CA10: variants seen among roughly 807,000 people sequenced by gnomAD.
CA10 encodes carbonic anhydrase-related protein 10.
A neutral mutation model predicts 44.2 loss-of-function variants in CA10; 14 were observed. The ratio of observed to expected loss-of-function variants is 0.32; its 90% CI spans 0.21 to 0.50. The LOEUF is 0.50. Ranked by LOEUF, CA10 falls within the 20% of genes least tolerant of loss-of-function variation. The probability of loss-of-function intolerance (pLI) is 0.99; values close to 1 mark genes in which losing one functional copy is unlikely to be tolerated. For missense variants in CA10, 350 were observed against 409.7 expected (o/e 0.85, Z 1.26); for synonymous variants, 159 against 141.6 (o/e 1.12, Z -0.87).
chr17:52,018,761 G>A (rs1026269279), intron 2 of CA10, among the ~76,000 whole-genome samples: 2 of 152,010 alleles, frequency 1.3e-5, no homozygotes, highest in African/African-American at 4.8e-5. Flanking sequence ...CATGAAATTT[G>A]GAGGACCAGG....
At chr17:51,796,201 T>A (rs559860086) in intron 3 of CA10, among the ~76,000 whole-genome samples, 2 of 151,762 alleles carry the variant, frequency 1.3e-5, no homozygotes, top group Non-Finnish European at 2.9e-5. Flanking sequence ...TTGTACAGAG[T>A]CTGTGTTCCA....
intron 1 of CA10, among the ~76,000 whole-genome samples, chr17:52,131,704 T>C (rs1442370338): frequency 1.3e-5 from 2 of 152,208 alleles, no homozygotes; most frequent in Admixed American, 6.5e-5. Context: ...TTCATTCTTT[T>C]AACTTAAATC....
chr17:52,144,176 G>A (rs920801119), intron 1 of CA10, among the ~76,000 whole-genome samples: 2 of 152,158 alleles, frequency 1.3e-5, no homozygotes, highest in Non-Finnish European at 2.9e-5. Flanking sequence ...AGGTAAGTCT[G>A]AACAATGAAA....
intron 2 of CA10, among the ~76,000 whole-genome samples, chr17:51,998,639 T>C (rs1365735551): frequency 6.6e-6 from 1 of 152,080 alleles, no homozygotes; most frequent in Non-Finnish European, 1.5e-5. Context: ...TATTTATATT[T>C]ATTTGTCCTA....
chr17:51,817,441 G>C (rs78505249), intron 3 of CA10, among the ~76,000 whole-genome samples: 3 of 152,094 alleles, frequency 2.0e-5, no homozygotes, highest in African/African-American at 7.2e-5. Flanking sequence ...AAGTGATGGT[G>C]GGGAGGGATG....
chr17:52,017,964 C>T (rs1390468241), intron 2 of CA10, among the ~76,000 whole-genome samples: 2 of 152,136 alleles, frequency 1.3e-5, no homozygotes, highest in Non-Finnish European at 2.9e-5. Context: ...AGGTACAACT[C>T]CAGCCAGATG....
intron 1 of CA10, among the ~76,000 whole-genome samples, chr17:52,148,175 G>A (rs1989628780): frequency 6.6e-6 from 1 of 152,194 alleles, no homozygotes; most frequent in African/African-American, 2.4e-5. Flanking sequence ...ACTAAAAAGT[G>A]GGGTAGGCTA....
At chr17:51,911,748 C>T (rs1413896421) in intron 3 of CA10, among the ~76,000 whole-genome samples, 1 of 152,166 alleles carries the variant, frequency 6.6e-6, no homozygotes, top group East Asian at 1.9e-4. Flanking sequence ...ATCTACTTGT[C>T]ATTTTCTGGG....
intron 4 of CA10, among the ~76,000 whole-genome samples, chr17:51,717,635 G>GTATATGTGCATATATACATGTATA (rs373803601): frequency 2.4e-5 from 1 of 41,638 alleles, no homozygotes; most frequent in Non-Finnish European, 4.7e-5. Context: ...GCACATATAT[G>GTATATGTGCATATATACATGTATA]CATGTATATA....
chr17:52,016,349 A>G (rs1052940267), intron 2 of CA10, among the ~76,000 whole-genome samples: 1 of 152,148 alleles, frequency 6.6e-6, no homozygotes, highest in African/African-American at 2.4e-5. Context: ...CCACCATTTC[A>G]TTAACTCTAT....
chr17:51,971,739 G>A (rs116681940), intron 2 of CA10, among the ~76,000 whole-genome samples: 1,839 of 152,048 alleles, frequency 0.012, 26 homozygotes, highest in African/African-American at 0.042. Flanking sequence ...GTGTTTTATA[G>A]TGTCCTGTGT....
At chr17:51,721,342 A>G (rs974260149) in intron 4 of CA10, among the ~76,000 whole-genome samples, 3 of 152,092 alleles carry the variant, frequency 2.0e-5, no homozygotes, top group Non-Finnish European at 2.9e-5. Flanking sequence ...AAAAATAAAT[A>G]AACTTTATTT....
At chr17:51,855,373 C>CT in intron 3 of CA10, among the ~76,000 whole-genome samples, 1 of 152,140 alleles carries the variant, frequency 6.6e-6, no homozygotes, top group Non-Finnish European at 1.5e-5. Context: ...TATGCACCAT[C>CT]CTTTTAAGAA....
chr17:51,694,885 CT>C (rs1383839528), intron 4 of CA10, among the ~76,000 whole-genome samples: 3 of 152,114 alleles, frequency 2.0e-5, no homozygotes, highest in African/African-American at 7.2e-5. Flanking sequence ...GGCTAGCTGG[CT>C]TTTCCAGCAC....
chr17:51,777,105 A>G (rs1478580063), intron 3 of CA10, among the ~76,000 whole-genome samples: 2 of 152,204 alleles, frequency 1.3e-5, no homozygotes, highest in Non-Finnish European at 2.9e-5. Flanking sequence ...AAAAAGAGAG[A>G]GAAATCAAAT....
intron 3 of CA10, among the ~76,000 whole-genome samples, chr17:51,901,610 A>T (rs941508539): frequency 6.6e-6 from 1 of 151,960 alleles, no homozygotes. Context: ...TGTGGCAGGG[A>T]TGGGGTACTA....
At chr17:52,129,533 G>T (rs929481363) in intron 1 of CA10, among the ~76,000 whole-genome samples, 1 of 152,202 alleles carries the variant, frequency 6.6e-6, no homozygotes, top group Non-Finnish European at 1.5e-5. Flanking sequence ...GGTGAATCAG[G>T]TATTTGAATC....
chr17:51,904,881 C>T (rs976832661), intron 3 of CA10, among the ~76,000 whole-genome samples: 1 of 152,260 alleles, frequency 6.6e-6, no homozygotes, highest in Middle Eastern at 3.4e-3. Flanking sequence ...GCTCCTTGCT[C>T]TGCCACTTTT....
chr17:51,790,905 T>C (rs1014863880), intron 3 of CA10, among the ~76,000 whole-genome samples: 3 of 152,242 alleles, frequency 2.0e-5, no homozygotes, highest in Non-Finnish European at 4.4e-5. Flanking sequence ...TGGAAACTTA[T>C]TCAGGAGCCA....
Sources: gnomAD v4.1 joint callset for allele counts (sites outside exome capture counted in the v4.1 genomes callset) on GRCh38, gnomAD v4.1.1 for gene constraint, MANE v1.5 for transcripts, NCBI Gene and HGNC (gene_info 2026-07-23, HGNC 2026-07-21) for gene names.